Variants in INTS10 observed in about 807,000 individuals in gnomAD.
INTS10 encodes the protein chromosome 8 open reading frame 35.
In INTS10, 44 loss-of-function variants were observed where a neutral mutation model predicts 94.4. That is an observed-to-expected ratio of 0.47 (90% CI 0.37 to 0.60). The LOEUF (loss-of-function observed/expected upper bound fraction) is 0.60. Among genes scored for constraint, INTS10 ranks in the 20% least tolerant of loss-of-function variants. The pLI is 0.00. For synonymous variants in INTS10, 341 were observed against 320.7 expected (o/e 1.06, Z -0.68); for missense variants, 797 against 868.7 (o/e 0.92, Z 1.04).
At chr8:19,829,539 A>G (rs2067067037) in intron 9 of INTS10, among the ~76,000 whole-genome samples, 1 of 152,190 alleles carries the variant, frequency 6.6e-6, no homozygotes, top group African/African-American at 2.4e-5. Flanking sequence ...AGACAAATGT[A>G]CTTTCTGACC....
intron 7 of INTS10, chr8:19,824,454 T>C: frequency 5.1e-6 from 1 of 196,376 alleles, no homozygotes; most frequent in Non-Finnish European, 1.0e-5. Flanking sequence ...ATCACACCAC[T>C]GCAATCCAGC....
chr8:19,844,314 C>A (rs1004065852), intron 15 of INTS10, 76 bp downstream of exon 15: 7 of 1,081,922 alleles, frequency 6.5e-6, no homozygotes, highest in South Asian at 3.0e-5. Flanking sequence ...AAAGAATGAA[C>A]CATTCTGGAT....
In INTS10 at chr8:19,832,883, G is replaced by C. The variant is rs147256426; in HGVS notation, c.1378-286G>C. Among the ~76,000 whole-genome samples, 13 of 152,286 alleles carry C rather than the reference G, an allele frequency of 8.5e-5. 2 individuals carry two copies. The highest frequency in any genetic ancestry group is 3.1e-4 in the African/African-American group (13 of 41,568). On this transcript the variant is annotated intron_variant, in intron 11 of 16. Coordinates refer to ENST00000397977, the MANE Select transcript of INTS10 (RefSeq NM_018142.4). ...TTCTAAAGAAATGTTATATCCAAAT[G>C]TGCTGGATCACAGGGCCTGGTTATT...
Position 19,824,027 on chromosome 8 carries a change from G to C in INTS10, c.819G>C (p.Gln273His). 1 of 1,608,914 alleles carries C rather than the reference G, an allele frequency of 6.2e-7. No individual in the cohort carries two copies. Among genetic ancestry groups the C allele is most frequent in the African/African-American group, 1.3e-5 (1 of 74,746 alleles). ...TTGTTGGAATGAGATGTGAATGGCA[G>C]ATGGATAAAGGAAGACGGTAATAAA... is the stretch of plus-strand genomic sequence containing the variant. ...LNVVGMRCEW[Q>H]MDKGRRSYGD... is the part of the protein sequence containing the mutation. Residue 273 changes from glutamine to histidine, a missense_variant, in exon 7 of 17, where the codon CAG becomes CAC. By Grantham distance (24) the Gln-to-His change is conservative. Coordinates refer to ENST00000397977, the MANE Select transcript of INTS10 (RefSeq NM_018142.4).
intron 13 of INTS10, chr8:19,841,905 G>C (rs976886441): frequency 2.2e-6 from 1 of 453,206 alleles, no homozygotes; most frequent in African/African-American, 2.0e-5. Flanking sequence ...TCTCAGACAA[G>C]AAGAGAGACT....
At position 19,851,789 on chromosome 8, in the gene INTS10, T is replaced by C; in HGVS notation, c.2117T>C (p.Leu706Pro). ...TGCATTAATGAGAAGATCTTGCTCCTTCAGACTCTGACCTGAGTGGAGACC... is the reference window on the plus strand; with the variant it reads ...TGCATTAATGAGAAGATCTTGCTCCCTCAGACTCTGACCTGAGTGGAGACC... ...RFCINEKILL[L>P]QTLT The change falls in exon 17 of 17, where the codon CTT becomes CCT. Residue 706 changes from leucine to proline, a missense_variant. By Grantham distance (98) the Leu-to-Pro change is moderately conservative (BLOSUM62 -3). Transcript: ENST00000397977. This position sits in a 1 kb window ranked among gnomAD's most constrained non-coding sequence, Gnocchi z 5.0. 1 of 1,614,184 alleles carries C rather than the reference T, an allele frequency of 6.2e-7. No individual in the cohort carries two copies. Among genetic ancestry groups the C allele is most frequent in the African/African-American group, 1.3e-5 (1 of 75,044 alleles).
At position 19,852,013 on chromosome 8, in the gene INTS10, T is replaced by C. The variant is rs1315863625; in HGVS notation, c.*208T>C. 7 of 401,572 alleles carry C rather than the reference T, an allele frequency of 1.7e-5. No homozygotes were observed. Among genetic ancestry groups the C allele is most frequent in the East Asian group, 1.4e-4 (4 of 27,614 alleles). The allele number at this position is 401,572 out of a possible 1,614,324, so 24.9% of individuals were successfully genotyped here. A position where few individuals can be genotyped will look rare whatever the true frequency, so the allele number is the denominator to read the frequency against. On this transcript the variant is annotated 3_prime_UTR_variant, in exon 17 of 17. Coordinates refer to ENST00000397977, the MANE Select transcript of INTS10 (RefSeq NM_018142.4). Reference sequence around the variant, plus strand: ...TTTAAGAGTCATTTTTTGTAATTTTTGTAAAACAAAAGTACCAATCTGTTT... The same window carrying C: ...TTTAAGAGTCATTTTTTGTAATTTTCGTAAAACAAAAGTACCAATCTGTTT...
In INTS10 at chr8:19,824,078, G is replaced by A. The variant is rs775278327; in HGVS notation, c.836+34G>A. The A allele has an allele frequency of 2.7e-6, 4 of 1,505,722 alleles. No individual in the cohort carries two copies. The African/African-American group carries it at 4.2e-5, about 16-fold the overall frequency. 93.3% of individuals were successfully genotyped at this position (1,505,722 alleles called of 1,614,324 possible). A position where few individuals can be genotyped will look rare whatever the true frequency, so the allele number is the denominator to read the frequency against. ...TAGCTTATTTCCAGAATTGCCTATT[G>A]ATTCTTTTGGATCCTTATAAAAACA... On this transcript the variant is annotated intron_variant, in intron 7 of 16. Transcript: ENST00000397977.
rs200544207 is a variant in INTS10 at position 19,818,290 on chromosome 8, A to G, written c.145A>G (p.Ile49Val). The change falls in exon 2 of 17, where the codon ATC becomes GTC. Residue 49 changes from isoleucine (I) to valine (V), a missense_variant. Physicochemically the swap from Ile to Val is conservative, Grantham distance 29 (BLOSUM62 3). This residue lies in a region of INTS10 where 734 missense variants were observed against 787.8 expected (regional missense o/e 0.93). Transcript: ENST00000397977. Reference protein sequence around the residue: ...DFNIQYEMYTIERNAERTATA... With the variant: ...DFNIQYEMYTVERNAERTATA... ...TGTGTTGCAGTATGAGATGTACACC[A>G]TCGAGCGGAATGCAGAGCGGACCGC... 135 of 1,614,142 alleles carry G rather than the reference A, an allele frequency of 8.4e-5. No homozygotes were observed. In the Admixed American group the frequency reaches 1.2e-3, roughly 14 times the overall value.
In INTS10 at chr8:19,827,931, G is replaced by T. The variant is rs139878188; in HGVS notation, c.1140+1372G>T. On this transcript the variant is annotated intron_variant, in intron 9 of 16. Coordinates refer to ENST00000397977, the MANE Select transcript of INTS10 (RefSeq NM_018142.4). Reference sequence around the variant, plus strand: ...CTAGTATTTAAAAATTAGAAACCAGGCTGGGTGCAGTGGCTCATGCCTGTA... The same window carrying T: ...CTAGTATTTAAAAATTAGAAACCAGTCTGGGTGCAGTGGCTCATGCCTGTA... Among the ~76,000 whole-genome samples, 575 of 152,210 alleles carry T rather than the reference G, an allele frequency of 3.8e-3. 6 individuals carry two copies. Among genetic ancestry groups the T allele is most frequent in the African/African-American group, 0.013 (544 of 41,520 alleles).
At chr8:19,828,388 G>T (rs530053160) in intron 9 of INTS10, among the ~76,000 whole-genome samples, 115 of 152,264 alleles carry the variant, frequency 7.6e-4, no homozygotes, top group African/African-American at 2.4e-3. Flanking sequence ...CTCATGTGAC[G>T]TCATAAATGG....
intron 10 of INTS10, among the ~76,000 whole-genome samples, chr8:19,831,651 C>G (rs1350948677): frequency 1.3e-5 from 2 of 152,150 alleles, no homozygotes; most frequent in Non-Finnish European, 2.9e-5. Flanking sequence ...GTTAGGGCCA[C>G]TGTACTGCCA....
rs974292256 is a variant in INTS10 at position 19,849,384 on chromosome 8, G to C, written c.1977-2265G>C. The stretch of plus-strand genomic sequence containing the variant: ...GTTCCGCATTTTGGCAAACCATCTG[G>C]TTGTAATATTGTAACATTTCTTATT... On this transcript the variant is annotated intron_variant, in intron 16 of 16. Transcript: ENST00000397977. The surrounding 1 kb of genome is among the most constrained non-coding windows in gnomAD (Gnocchi z 4.6). The C allele has an allele frequency of 9.6e-6, 3 of 312,478 alleles. No individual in the cohort carries two copies. Among genetic ancestry groups the C allele is most frequent in the Non-Finnish European group, 1.9e-5 (3 of 158,506 alleles). 19.4% of individuals were successfully genotyped at this position (312,478 alleles called of 1,614,324 possible). A position where few individuals can be genotyped will look rare whatever the true frequency, so the allele number is the denominator to read the frequency against.
At chr8:19,819,244 G>C (rs1305879803) in intron 2 of INTS10, among the ~76,000 whole-genome samples, 1 of 152,108 alleles carries the variant, frequency 6.6e-6, no homozygotes, top group Admixed American at 6.5e-5. Context: ...TGTTTCAACT[G>C]TTCTCTTTGG....
intron 9 of INTS10, among the ~76,000 whole-genome samples, chr8:19,827,654 C>T (rs556053860): frequency 1.3e-5 from 2 of 152,200 alleles, no homozygotes; most frequent in South Asian, 4.1e-4. Context: ...AAACCTGGTC[C>T]AGCGGTTCTT....
chr8:19,833,221 G>C lies in INTS10; in HGVS notation c.1430G>C (p.Gly477Ala). 9 of 1,612,770 alleles carry C rather than the reference G, an allele frequency of 5.6e-6. No homozygotes were observed. The highest frequency in any genetic ancestry group is 7.6e-6 in the Non-Finnish European group (9 of 1,179,356). Residue 477 changes from glycine (G) to alanine (A), a missense_variant, in exon 12 of 17, where the codon GGA becomes GCA. Transcript: ENST00000397977. ...ASLHHLAALQ[G>A]SISQPQITGQ... ...CTGCATCACTTAGCAGCTCTCCAGG[G>C]ATCCATTTCTCAGCCACAGATCACA...
In INTS10 at chr8:19,833,433, C is replaced by G. The variant is rs1276569590; in HGVS notation, c.1530+112C>G. Reference sequence around the variant, plus strand: ...GCACGTTTATTTCAATTTGATCTTTCTGCCTAGATTTATTACTTAATCTGC... The same window carrying G: ...GCACGTTTATTTCAATTTGATCTTTGTGCCTAGATTTATTACTTAATCTGC... On this transcript the variant is annotated intron_variant, in intron 12 of 16. Coordinates refer to ENST00000397977, the MANE Select transcript of INTS10 (RefSeq NM_018142.4). 4.0e-6 allele frequency: 3 copies of G among 744,538 alleles called. No homozygotes were observed. In the African/African-American group the frequency reaches 5.5e-5, roughly 14 times the overall value. The allele number at this position is 744,538 out of a possible 1,614,324, so 46.1% of individuals were successfully genotyped here.
chr8:19,840,742 A>T (rs1392609776), intron 13 of INTS10, among the ~76,000 whole-genome samples: 1 of 152,044 alleles, frequency 6.6e-6, no homozygotes, highest in African/African-American at 2.4e-5. Context: ...TCTATAACAA[A>T]TGGTCAAAAA....
chr8:19,818,217 T>G, intron 1 of INTS10, 58 bp from the exon 2 acceptor site: 96 of 1,544,814 alleles, frequency 6.2e-5, no homozygotes, highest in Non-Finnish European at 8.3e-5. Flanking sequence ...CGATGCTGGA[T>G]GAGCTGGGAG....
Sources: allele counts gnomAD v4.1 joint callset (sites outside exome capture counted in the v4.1 genomes callset), GRCh38; gene constraint gnomAD v4.1.1; regional missense constraint gnomAD v4.1.1; non-coding constraint Gnocchi (gnomAD v3.1); transcripts MANE v1.5; gene names NCBI Gene and HGNC (gene_info 2026-07-23, HGNC 2026-07-21).